Variants in RAVER2 observed in about 807,000 individuals in gnomAD.
The protein encoded by RAVER2 is ribonucleoprotein, PTB binding 2.
In RAVER2, 46 loss-of-function variants were observed where a neutral mutation model predicts 78.1. The ratio of observed to expected loss-of-function variants is 0.59; its 90% confidence interval spans 0.46 to 0.75. The LOEUF is 0.75. Ranked by LOEUF, RAVER2 falls within the 30% of genes least tolerant of loss-of-function variation. The pLI is 0.00. For missense variants in RAVER2, 793 were observed against 837.5 expected (o/e 0.95, Z 0.66); for synonymous variants, 311 against 313.3 (o/e 0.99, Z 0.08).
chr1:64,788,109 G>A (rs960968721), intron 4 of RAVER2, among the ~76,000 whole-genome samples: 2 of 152,104 alleles, frequency 1.3e-5, no homozygotes, highest in South Asian at 2.1e-4. Flanking sequence ...GAAGCTACTC[G>A]ATTGCATGTA....
chr1:64,802,578 T>C (rs1178325249), intron 5 of RAVER2, among the ~76,000 whole-genome samples: 1 of 152,218 alleles, frequency 6.6e-6, no homozygotes, highest in Non-Finnish European at 1.5e-5. Flanking sequence ...TGTAAGCTTT[T>C]CAAGGACAAG....
intron 10 of RAVER2, 27 bp downstream of exon 10, chr1:64,812,876 G>T (rs751174609): frequency 3.4e-6 from 5 of 1,490,186 alleles, no homozygotes; most frequent in South Asian, 2.5e-5. Context: ...TATTCTTGTT[G>T]TGGAGTTTTA....
At chr1:64,817,345 C>T (rs561552794) in intron 11 of RAVER2, among the ~76,000 whole-genome samples, 9 of 152,222 alleles carry the variant, frequency 5.9e-5, no homozygotes, top group South Asian at 2.1e-4. Context: ...GTTGGTGTGG[C>T]GATTCCTCAA....
intron 6 of RAVER2, among the ~76,000 whole-genome samples, chr1:64,803,810 G>A (rs1653337234): frequency 6.6e-6 from 1 of 152,166 alleles, no homozygotes; most frequent in Non-Finnish European, 1.5e-5. Flanking sequence ...AGGCTACTGT[G>A]TGGAATGTAA....
intron 11 of RAVER2, among the ~76,000 whole-genome samples, chr1:64,828,713 T>C (rs1654056062): frequency 6.6e-6 from 1 of 152,074 alleles, no homozygotes; most frequent in East Asian, 1.9e-4. Flanking sequence ...TACTATTAAA[T>C]ATTTAAGTGT....
intron 4 of RAVER2, among the ~76,000 whole-genome samples, chr1:64,786,401 A>G (rs1023303108): frequency 7.9e-5 from 12 of 152,196 alleles, no homozygotes; most frequent in Non-Finnish European, 7.3e-5. Flanking sequence ...GAGACTTCTA[A>G]TATTACAAGT....
At chr1:64,792,613 A>G (rs1310700842) in intron 5 of RAVER2, among the ~76,000 whole-genome samples, 1 of 152,144 alleles carries the variant, frequency 6.6e-6, no homozygotes, top group Non-Finnish European at 1.5e-5. Context: ...TGCTTTCTCA[A>G]TTTTAAGATG....
intron 1 of RAVER2, among the ~76,000 whole-genome samples, chr1:64,751,394 GGAA>G (rs1458923961): frequency 1.3e-5 from 2 of 152,156 alleles, no homozygotes; most frequent in Non-Finnish European, 2.9e-5. Flanking sequence ...CAAAAGCTCA[GGAA>G]GAAGGGAATT....
intron 11 of RAVER2, among the ~76,000 whole-genome samples, chr1:64,817,569 A>T (rs1653784592): frequency 6.6e-6 from 1 of 152,176 alleles, no homozygotes; most frequent in Non-Finnish European, 1.5e-5. Flanking sequence ...AATACTATGC[A>T]GCCATAAAAA....
chr1:64,803,472 A>G (rs1570570054), intron 6 of RAVER2, among the ~76,000 whole-genome samples: 2 of 152,290 alleles, frequency 1.3e-5, no homozygotes, highest in East Asian at 3.9e-4. Flanking sequence ...ATATGAGAAT[A>G]GAGTATGTTT....
intron 1 of RAVER2, among the ~76,000 whole-genome samples, chr1:64,757,904 G>A (rs1240136469): frequency 6.6e-6 from 1 of 152,010 alleles, no homozygotes; most frequent in Non-Finnish European, 1.5e-5. Flanking sequence ...GAAAAGTTTG[G>A]TGTTCATTAT....
chr1:64,745,876 A>G lies in RAVER2; in HGVS notation c.249+455A>G, dbSNP rs1322839622. 6.6e-6 allele frequency among the ~76,000 whole-genome samples: 1 copy of G among 152,154 alleles called. No individual in the cohort carries two copies. The highest frequency in any genetic ancestry group is 6.5e-5 in the Admixed American group (1 of 15,274). Reference sequence around the variant, plus strand: ...GGTGCTCGGGAGTGCCATAGGGGGCAGGGGCACGAGAGAGCTGGGAGTGAG... The same window carrying G: ...GGTGCTCGGGAGTGCCATAGGGGGCGGGGGCACGAGAGAGCTGGGAGTGAG... On this transcript the variant is annotated intron_variant, in intron 1 of 11. Transcript: ENST00000294428. This position sits in a 1 kb window ranked among gnomAD's most constrained non-coding sequence, Gnocchi z 4.3.
At chr1:64,778,133 A>G in intron 3 of RAVER2, 41 bp downstream of exon 3, 1 of 1,366,762 alleles carries the variant, frequency 7.3e-7, no homozygotes, top group South Asian at 1.4e-5. Flanking sequence ...TTTAAAATAT[A>G]TACATATGTA....
chr1:64,784,080 G>A (rs1374762341), intron 4 of RAVER2, among the ~76,000 whole-genome samples: 1 of 152,036 alleles, frequency 6.6e-6, no homozygotes, highest in Admixed American at 6.6e-5. Flanking sequence ...TGGTCCCTTC[G>A]CAACATTTAA....
chr1:64,824,847 C>T (rs139880643), intron 11 of RAVER2, among the ~76,000 whole-genome samples: 1 of 147,344 alleles, frequency 6.8e-6, no homozygotes, highest in East Asian at 2.0e-4. Flanking sequence ...AGGAGAATCG[C>T]TTGAGCCCGG....
exon 9 of RAVER2, chr1:64,807,223 A>G: frequency 6.2e-7 from 1 of 1,613,820 alleles, no homozygotes. Context: ...CCTGATTCCA[A>G]CTCAAACAAC....
chr1:64,778,182 T>A, intron 3 of RAVER2, 90 bp downstream of exon 3: 1 of 966,698 alleles, frequency 1.0e-6, no homozygotes, highest in East Asian at 2.7e-5. Flanking sequence ...CATACCTGTG[T>A]GATTAACACA....
chr1:64,781,407 G>A (rs1345720447), exon 4 of RAVER2: 4 of 1,611,286 alleles, frequency 2.5e-6, no homozygotes, highest in Non-Finnish European at 3.4e-6. Flanking sequence ...TAGTTACGTT[G>A]GTGGCTTTGC....
chr1:64,776,374 CAT>C lies in RAVER2; in HGVS notation c.317-1248_317-1247del, dbSNP rs1395464303. 1.3e-5 allele frequency among the ~76,000 whole-genome samples: 2 copies of C among 152,138 alleles called. 1 individual carries two copies. The highest frequency in any genetic ancestry group is 2.9e-5 in the Non-Finnish European group (2 of 68,030). On this transcript the variant is annotated intron_variant, in intron 2 of 11. Transcript: ENST00000294428. Reference sequence around the variant, plus strand: ...GGCAATAGTTTTCTTGCGTGTGGGACATGTGTTAAATGAAAAATGTGTTTCTT... The same window carrying C: ...GGCAATAGTTTTCTTGCGTGTGGGACGTGTTAAATGAAAAATGTGTTTCTT...
Sources: allele counts gnomAD v4.1 joint callset (sites outside exome capture counted in the v4.1 genomes callset), GRCh38; gene constraint gnomAD v4.1.1; non-coding constraint Gnocchi (gnomAD v3.1); transcripts MANE v1.5; gene names NCBI Gene and HGNC (gene_info 2026-07-23, HGNC 2026-07-21).